SCFD1: variants seen among roughly 807,000 people sequenced by gnomAD.
The protein encoded by SCFD1 is sec1 family domain-containing protein 1.
SCFD1 carries 37 observed loss-of-function variants against 103.2 expected under a neutral mutation model. The ratio of observed to expected loss-of-function variants is 0.36; its 90% CI spans 0.28 to 0.47. SCFD1 has a LOEUF of 0.47. SCFD1 is among the 20% of genes least tolerant of loss of function. The probability of loss-of-function intolerance (pLI) is 1.00; values close to 1 mark genes in which losing one functional copy is unlikely to be tolerated. For synonymous variants in SCFD1, 264 were observed against 245.0 expected (o/e 1.08, Z -0.73); for missense variants, 639 against 761.2 (o/e 0.84, Z 1.89).
At chr14:30,721,798 G>A (rs1892667093) in intron 21 of SCFD1, 86 bp from the exon 22 acceptor site, 2 of 1,060,806 alleles carry the variant, frequency 1.9e-6, no homozygotes, top group African/African-American at 1.6e-5. Flanking sequence ...TTACCTAATA[G>A]TGCATGTGTG....
intron 4 of SCFD1, 75 bp from the exon 5 acceptor site, chr14:30,638,050 C>G (rs903692546): frequency 1.4e-6 from 2 of 1,408,252 alleles, no homozygotes; most frequent in African/African-American, 3.0e-5. Flanking sequence ...TATAACTTTG[C>G]CTTATAGTAG....
intron 5 of SCFD1, 25 bp downstream of exon 5, chr14:30,638,272 A>G (rs762602411): frequency 6.2e-7 from 1 of 1,612,376 alleles, no homozygotes; most frequent in East Asian, 2.2e-5. Context: ...TGGGTTGATG[A>G]CATTTTGTCA....
chr14:30,672,353 G>C (rs550464106), intron 11 of SCFD1, among the ~76,000 whole-genome samples: 1 of 152,248 alleles, frequency 6.6e-6, no homozygotes, highest in South Asian at 2.1e-4. Flanking sequence ...AAATTGGACT[G>C]TGTTCCTCAG....
chr14:30,731,261 G>A (rs949229285), intron 23 of SCFD1, among the ~76,000 whole-genome samples: 2 of 151,020 alleles, frequency 1.3e-5, no homozygotes, highest in Non-Finnish European at 1.5e-5. Flanking sequence ...TAGCCTTGTA[G>A]TATAGTTTGA....
intron 17 of SCFD1, 61 bp from the exon 18 acceptor site, chr14:30,705,762 C>A: frequency 2.4e-6 from 3 of 1,271,096 alleles, no homozygotes; most frequent in South Asian, 1.2e-5. Context: ...TATTTTAATA[C>A]CGTGACACCC....
intron 1 of SCFD1, 126 bp downstream of exon 1, chr14:30,622,525 C>T (rs1259736782): frequency 1.6e-5 from 23 of 1,408,940 alleles, no homozygotes; most frequent in African/African-American, 4.3e-5. Context: ...ATCAAGAGCC[C>T]CTCCCCTTTG....
intron 14 of SCFD1, among the ~76,000 whole-genome samples, chr14:30,680,099 C>CA (rs918117382): frequency 6.6e-6 from 1 of 151,794 alleles, no homozygotes; most frequent in Non-Finnish European, 1.5e-5. Context: ...TTCTACATCT[C>CA]AAAAAAAATA....
At chr14:30,665,930 C>A (rs1472285727) in intron 10 of SCFD1, among the ~76,000 whole-genome samples, 4 of 152,090 alleles carry the variant, frequency 2.6e-5, no homozygotes, top group African/African-American at 9.7e-5. Flanking sequence ...CCTTAGAGAC[C>A]TACAAAGAGA....
chr14:30,730,729 C>A (rs1257645366), intron 23 of SCFD1, among the ~76,000 whole-genome samples: 4 of 152,070 alleles, frequency 2.6e-5, no homozygotes, highest in South Asian at 4.1e-4. Flanking sequence ...AAGTTGAGTT[C>A]TTTGTAGATT....
At chr14:30,646,815 TC>T (rs1885879194) in intron 7 of SCFD1, among the ~76,000 whole-genome samples, 2 of 152,208 alleles carry the variant, frequency 1.3e-5, no homozygotes, top group African/African-American at 2.4e-5. Context: ...TTCCAGAACT[TC>T]AGTTTCTTCC....
intron 10 of SCFD1, among the ~76,000 whole-genome samples, chr14:30,659,845 A>G (rs567896812): frequency 1.1e-4 from 16 of 152,154 alleles, no homozygotes; most frequent in African/African-American, 3.9e-4. Context: ...TGTACTTCAT[A>G]TTTTTAGGTT....
At chr14:30,723,473 G>T (rs1892797265) in intron 23 of SCFD1, among the ~76,000 whole-genome samples, 1 of 152,148 alleles carries the variant, frequency 6.6e-6, no homozygotes, top group Non-Finnish European at 1.5e-5. Flanking sequence ...GTGTCATGGG[G>T]TTTGTTGTAC....
At chr14:30,666,211 G>C (rs758946836) in intron 10 of SCFD1, among the ~76,000 whole-genome samples, 1 of 152,144 alleles carries the variant, frequency 6.6e-6, no homozygotes, top group Non-Finnish European at 1.5e-5. Context: ...CTGTCTCTCA[G>C]ACCACAGTGC....
chr14:30,718,075 T>C (rs1210889819), intron 20 of SCFD1, among the ~76,000 whole-genome samples: 1 of 152,140 alleles, frequency 6.6e-6, no homozygotes, highest in Non-Finnish European at 1.5e-5. Flanking sequence ...AGGCCAAGTT[T>C]TCTACCATTA....
At chr14:30,636,304 A>G (rs980342278) in intron 4 of SCFD1, among the ~76,000 whole-genome samples, 1 of 151,102 alleles carries the variant, frequency 6.6e-6, no homozygotes, top group Admixed American at 6.6e-5. Context: ...TTTTGGTGTC[A>G]TATTTAGGAA....
chr14:30,720,867 G>C (rs1017878704), intron 21 of SCFD1, among the ~76,000 whole-genome samples: 1 of 152,022 alleles, frequency 6.6e-6, no homozygotes, highest in African/African-American at 2.4e-5. Context: ...GACTATACTT[G>C]GCTTCTTGGA....
intron 5 of SCFD1, among the ~76,000 whole-genome samples, chr14:30,638,875 A>G (rs1181467653): frequency 6.6e-6 from 1 of 152,234 alleles, no homozygotes; most frequent in Admixed American, 6.5e-5. Context: ...AGTTCCAGAC[A>G]ACTATCTAGG....
At chr14:30,706,906 CAG>C (rs1225804313) in intron 18 of SCFD1, among the ~76,000 whole-genome samples, 1 of 152,170 alleles carries the variant, frequency 6.6e-6, no homozygotes, top group Admixed American at 6.5e-5. Flanking sequence ...CACCTTCAGA[CAG>C]TGCTGCGCAG....
intron 23 of SCFD1, chr14:30,722,912 C>T (rs1260888324): frequency 6.4e-6 from 1 of 157,226 alleles, no homozygotes; most frequent in Non-Finnish European, 1.4e-5. Flanking sequence ...CACTTTACTC[C>T]TATCCTATTA....
Sources: gnomAD v4.1 joint callset for allele counts (sites outside exome capture counted in the v4.1 genomes callset) on GRCh38, gnomAD v4.1.1 for gene constraint, MANE v1.5 for transcripts, NCBI Gene and HGNC (gene_info 2026-07-23, HGNC 2026-07-21) for gene names.